The following PIGK variants were observed in gnomAD, a reference collection of about 807,000 sequenced individuals.
The protein encoded by PIGK is phosphatidylinositol glycan anchor biosynthesis class K.
Under a neutral mutation model 50.6 loss-of-function variants are expected in PIGK, and 42 were observed. That is an observed-to-expected ratio of 0.83 (90% CI 0.65 to 1.07). The LOEUF (loss-of-function observed/expected upper bound fraction) is 1.07, where lower values mean the gene tolerates loss of function less well. Among genes scored for constraint, PIGK ranks in the 50% least tolerant of loss-of-function variants. PIGK has a pLI of 0.00. For missense variants in PIGK, 448 were observed against 488.7 expected, an observed-to-expected ratio of 0.92 and a Z score of 0.78; for synonymous variants, 151 against 156.0, an observed-to-expected ratio of 0.97 and a Z score of 0.24.
chr1:77,123,125 T>C (rs962578474), intron 9 of PIGK, among the ~76,000 whole-genome samples: 3 of 152,118 alleles, frequency 2.0e-5, no homozygotes, highest in Non-Finnish European at 2.9e-5. Context: ...TAGGACAATA[T>C]GAAACAGTAA....
chr1:77,198,864 T>C (rs12060044), intron 3 of PIGK, among the ~76,000 whole-genome samples: 26,582 of 151,832 alleles, frequency 0.18, 2,524 homozygotes, highest in East Asian at 0.36. Flanking sequence ...ATTAAGAACT[T>C]GACAAACCAA....
At chr1:77,138,093 T>C (rs1252742119) in intron 9 of PIGK, among the ~76,000 whole-genome samples, 3 of 152,172 alleles carry the variant, frequency 2.0e-5, no homozygotes, top group Non-Finnish European at 4.4e-5. Context: ...TCCTGGAGAA[T>C]AGGCAGGACT....
chr1:77,131,890 G>T (rs554355409), intron 9 of PIGK, among the ~76,000 whole-genome samples: 7 of 151,844 alleles, frequency 4.6e-5, no homozygotes, highest in Non-Finnish European at 8.8e-5. Flanking sequence ...AATTATATTC[G>T]TTCCACCAAA....
intron 10 of PIGK, among the ~76,000 whole-genome samples, chr1:77,104,869 G>C (rs1653629484): frequency 6.6e-6 from 1 of 152,150 alleles, no homozygotes; most frequent in East Asian, 1.9e-4. Context: ...CCCCAGAGTG[G>C]GTGTTACAGT....
At chr1:77,141,040 C>T (rs1324855886) in intron 9 of PIGK, among the ~76,000 whole-genome samples, 2 of 152,086 alleles carry the variant, frequency 1.3e-5, no homozygotes, top group African/African-American at 4.8e-5. Context: ...TATTTTCTTG[C>T]TCCATCTCTC....
chr1:77,100,150 T>A (rs1316408577), intron 10 of PIGK, among the ~76,000 whole-genome samples: 1 of 152,192 alleles, frequency 6.6e-6, no homozygotes, highest in African/African-American at 2.4e-5. Flanking sequence ...AACTTAGGAT[T>A]TTGAAAACTG....
At chr1:77,137,958 G>A (rs1200839506) in intron 9 of PIGK, among the ~76,000 whole-genome samples, 1 of 152,140 alleles carries the variant, frequency 6.6e-6, no homozygotes, top group African/African-American at 2.4e-5. Context: ...TAATTGATAA[G>A]TCATATATCT....
intron 8 of PIGK, among the ~76,000 whole-genome samples, chr1:77,155,356 G>A (rs1381429894): frequency 6.6e-6 from 1 of 152,072 alleles, no homozygotes; most frequent in Non-Finnish European, 1.5e-5. Flanking sequence ...GAATTACCAA[G>A]GACAGACATA....
intron 8 of PIGK, among the ~76,000 whole-genome samples, chr1:77,160,412 T>C (rs1184757876): frequency 6.6e-6 from 1 of 152,186 alleles, no homozygotes; most frequent in Non-Finnish European, 1.5e-5. Flanking sequence ...AAAAGATTTA[T>C]ATATAATTAA....
At chr1:77,193,906 A>G (rs933629658) in intron 3 of PIGK, among the ~76,000 whole-genome samples, 5 of 152,222 alleles carry the variant, frequency 3.3e-5, no homozygotes, top group African/African-American at 1.2e-4. Flanking sequence ...AACAATCTAC[A>G]GACTGGGAGA....
chr1:77,106,622 C>T (rs561695715), intron 10 of PIGK, among the ~76,000 whole-genome samples: 1 of 152,176 alleles, frequency 6.6e-6, no homozygotes, highest in South Asian at 2.1e-4. Flanking sequence ...TAAAGGCCCT[C>T]TATGTGGTTT....
At chr1:77,206,168 T>G (rs891267374) in intron 3 of PIGK, among the ~76,000 whole-genome samples, 1 of 152,190 alleles carries the variant, frequency 6.6e-6, no homozygotes, top group Admixed American at 6.5e-5. Context: ...AATTTGCAGC[T>G]CCATTATTGT....
intron 10 of PIGK, among the ~76,000 whole-genome samples, chr1:77,111,819 A>G (rs1322346025): frequency 1.3e-5 from 2 of 152,124 alleles, no homozygotes; most frequent in Non-Finnish European, 2.9e-5. Context: ...TCACAAGACT[A>G]AGATATCTAT....
intron 8 of PIGK, among the ~76,000 whole-genome samples, chr1:77,156,146 T>C (rs1362651991): frequency 7.9e-6 from 1 of 127,024 alleles, no homozygotes; most frequent in African/African-American, 2.5e-5. Context: ...AAATGACAGA[T>C]AAAATAAAAT....
At chr1:77,182,506 A>ATCTG (rs1263776960) in intron 3 of PIGK, among the ~76,000 whole-genome samples, 6 of 27,198 alleles carry the variant, frequency 2.2e-4, no homozygotes, top group African/African-American at 3.6e-4. Context: ...CCCAGGATCA[A>ATCTG]TCTATCTATC....
chr1:77,146,011 A>G (rs1654758916), intron 9 of PIGK, among the ~76,000 whole-genome samples: 1 of 152,204 alleles, frequency 6.6e-6, no homozygotes, highest in Admixed American at 6.5e-5. Context: ...CTGTAAATTG[A>G]AAATGAATTT....
chr1:77,158,969 G>A (rs1655072858), intron 8 of PIGK, among the ~76,000 whole-genome samples: 1 of 152,172 alleles, frequency 6.6e-6, no homozygotes, highest in Non-Finnish European at 1.5e-5. Flanking sequence ...GGAGCCAAAT[G>A]TTAATTGCCA....
intron 3 of PIGK, among the ~76,000 whole-genome samples, chr1:77,170,902 A>C (rs1655343890): frequency 6.6e-6 from 1 of 152,170 alleles, no homozygotes; most frequent in Admixed American, 6.5e-5. Context: ...CTGAAACATT[A>C]TTTTTCTTGA....
chr1:77,210,998 C>T (rs188949071), intron 1 of PIGK, among the ~76,000 whole-genome samples: 4 of 152,058 alleles, frequency 2.6e-5, no homozygotes, highest in South Asian at 2.1e-4. Flanking sequence ...CAATTAAGAA[C>T]GTACAATCTG....
Sources: gnomAD v4.1 joint callset for allele counts (sites outside exome capture counted in the v4.1 genomes callset) on GRCh38, gnomAD v4.1.1 for gene constraint, MANE v1.5 for transcripts, NCBI Gene and HGNC (gene_info 2026-07-23, HGNC 2026-07-21) for gene names.